Variants in PIP5K1A observed in about 807,000 individuals in gnomAD.
The protein encoded by PIP5K1A is phosphatidylinositol 4-phosphate 5-kinase type-1 alpha.
Under a neutral mutation model 72.9 loss-of-function variants are expected in PIP5K1A, and 46 were observed. The observed-to-expected ratio is 0.63, with a 90% CI of 0.50 to 0.81. PIP5K1A has a LOEUF of 0.81. PIP5K1A is among the 30% of genes least tolerant of loss of function. PIP5K1A has a pLI of 0.00. For missense variants in PIP5K1A, 458 were observed against 706.1 expected, an observed-to-expected ratio of 0.65 and a Z score of 3.98; for synonymous variants, 228 against 255.1, an observed-to-expected ratio of 0.89 and a Z score of 1.01.
intron 9 of PIP5K1A, among the ~76,000 whole-genome samples, chr1:151,237,151 G>C (rs1363375045): frequency 1.3e-5 from 2 of 152,082 alleles, no homozygotes; most frequent in Non-Finnish European, 2.9e-5. Flanking sequence ...TCTTTAGGAA[G>C]GGACCCAGCT....
At chr1:151,212,142 C>G (rs1031367410) in intron 1 of PIP5K1A, among the ~76,000 whole-genome samples, 1 of 151,796 alleles carries the variant, frequency 6.6e-6, no homozygotes, top group East Asian at 1.9e-4. Flanking sequence ...TTTACATTAT[C>G]TCTTCAAGTT....
chr1:151,198,873 G>A lies in PIP5K1A; in HGVS notation c.-124G>A. The A allele has an allele frequency of 2.2e-6, 2 of 907,878 alleles. No homozygotes were observed. Among genetic ancestry groups the A allele is most frequent in the Non-Finnish European group, 3.5e-6 (2 of 570,664 alleles). The allele number at this position is 907,878 out of a possible 1,614,324, so 56.2% of individuals were successfully genotyped here. On this transcript the variant is annotated 5_prime_UTR_variant, in exon 1 of 16. Transcript: ENST00000368888. ...GACGTGTCTGAGGGAGGCCCCGGAGGGGGCGGGGAGGTGGCCCACAGAACG... is the reference window on the plus strand; with the variant it reads ...GACGTGTCTGAGGGAGGCCCCGGAGAGGGCGGGGAGGTGGCCCACAGAACG...
At chr1:151,229,685 C>A (rs1689747122) in intron 4 of PIP5K1A, among the ~76,000 whole-genome samples, 1 of 148,090 alleles carries the variant, frequency 6.8e-6, no homozygotes, top group African/African-American at 2.5e-5. Flanking sequence ...ATATGTTGAA[C>A]ATTAAGATAA....
At chr1:151,212,107 G>A (rs1329477925) in intron 1 of PIP5K1A, among the ~76,000 whole-genome samples, 1 of 150,358 alleles carries the variant, frequency 6.7e-6, no homozygotes. Context: ...GTGAGACTCC[G>A]TCTCAAAAAA....
chr1:151,234,594 C>T (rs991787285), intron 8 of PIP5K1A, 98 bp downstream of exon 8: 8 of 890,052 alleles, frequency 9.0e-6, no homozygotes, highest in African/African-American at 3.3e-5. Flanking sequence ...TGTTCCTTAG[C>T]ACTGTATGTC....
In PIP5K1A at chr1:151,222,834, C is replaced by T. The variant is rs587650012; in HGVS notation, c.86-1411C>T. On this transcript the variant is annotated intron_variant, in intron 1 of 15. Transcript: ENST00000368888. Reference sequence around the variant, plus strand: ...GGCAGCTGAGGGTTTTGACAGGAACCGTGTTCTTTGAGATGGTAATTTGAA... The same window carrying T: ...GGCAGCTGAGGGTTTTGACAGGAACTGTGTTCTTTGAGATGGTAATTTGAA... Among the ~76,000 whole-genome samples the T allele has an allele frequency of 9.9e-5, 15 of 152,216 alleles. No individual in the cohort carries two copies. The East Asian group carries it at 1.7e-3, about 18-fold the overall frequency.
intron 1 of PIP5K1A, among the ~76,000 whole-genome samples, chr1:151,217,233 C>A (rs1172577097): frequency 6.6e-6 from 1 of 152,030 alleles, no homozygotes; most frequent in Non-Finnish European, 1.5e-5. Context: ...ATCTAGTATT[C>A]AAACCTAGCA....
At chr1:151,216,868 C>G (rs1687706266) in intron 1 of PIP5K1A, among the ~76,000 whole-genome samples, 1 of 150,898 alleles carries the variant, frequency 6.6e-6, no homozygotes, top group South Asian at 2.1e-4. Context: ...GAAATTTTAA[C>G]CAACCTACCC....
At chr1:151,195,788 A>G (rs182775584), upstream of PIP5K1A, among the ~76,000 whole-genome samples, 35 of 149,914 alleles carry the variant, frequency 2.3e-4, no homozygotes, top group East Asian at 5.8e-3. Flanking sequence ...GCTCACAGGG[A>G]GAAGATTCCT....
At chr1:151,229,192 AAC>A (rs1553298075) in intron 4 of PIP5K1A, among the ~76,000 whole-genome samples, 19 of 149,344 alleles carry the variant, frequency 1.3e-4, no homozygotes, top group Non-Finnish European at 2.4e-4. Flanking sequence ...AAAAAAAAAA[AAC>A]AGGAAAGAAA....
chr1:151,248,337 C>CTGT lies in PIP5K1A; in HGVS notation c.*473_*475dup, dbSNP rs1156544790. 6.4e-6 allele frequency: 1 copy of CTGT among 156,742 alleles called. No individual in the cohort carries two copies. Among genetic ancestry groups the CTGT allele is most frequent in the African/African-American group, 2.4e-5 (1 of 41,556 alleles). The allele number at this position is 156,742 out of a possible 1,614,324, so 9.7% of individuals were successfully genotyped here. A position where few individuals can be genotyped will look rare whatever the true frequency, so the allele number is the denominator to read the frequency against. ...TCCTGGAAGAATACTCCTGTAATCT[C>CTGT]TGTAAAGGTTTTTGGGGGATAAGGG... On this transcript the variant is annotated 3_prime_UTR_variant, in exon 16 of 16. Coordinates refer to ENST00000368888, the MANE Select transcript of PIP5K1A (RefSeq NM_001135638.2).
chr1:151,238,830 C>T (rs908190822), intron 10 of PIP5K1A, among the ~76,000 whole-genome samples: 11 of 152,148 alleles, frequency 7.2e-5, no homozygotes, highest in Admixed American at 6.5e-5. Flanking sequence ...CCAGTCTTGC[C>T]CATCTGTTCC....
chr1:151,238,990 C>T, intron 10 of PIP5K1A, 140 bp from the exon 11 acceptor site: 1 of 615,956 alleles, frequency 1.6e-6, no homozygotes, highest in Non-Finnish European at 2.9e-6. Context: ...CTTGGGAAAA[C>T]CAGTGTACCA....
intron 12 of PIP5K1A, among the ~76,000 whole-genome samples, chr1:151,241,612 C>T (rs1005380439): frequency 6.6e-6 from 1 of 151,982 alleles, no homozygotes; most frequent in Non-Finnish European, 1.5e-5. Flanking sequence ...ACCAGCCTGA[C>T]CAACATGGTG....
In PIP5K1A at chr1:151,242,106, C is replaced by G. The variant is rs201919211; in HGVS notation, c.1364-17C>G. On this transcript the variant is annotated splice_polypyrimidine_tract_variant and intron_variant, in intron 12 of 15. Transcript: ENST00000368888. ...CTAAGGTAGTTGCTAAGTAGGCTCT[C>G]TCTTTCCCTTTTGAAGTGAAGCCTT... 13 of 1,613,990 alleles carry G rather than the reference C, an allele frequency of 8.1e-6. No homozygotes were observed. The African/African-American group carries it at 1.6e-4, about 20-fold the overall frequency.
At position 151,199,023 on chromosome 1, in the gene PIP5K1A, G is replaced by A; in HGVS notation, c.27G>A (p.Ser9=). The A allele has an allele frequency of 6.2e-7, 1 of 1,614,184 alleles. No individual in the cohort carries two copies. The highest frequency in any genetic ancestry group is 8.5e-7 in the Non-Finnish European group (1 of 1,180,036). Residue 9 remains serine (S), a synonymous_variant, in exon 1 of 16, where the codon TCG becomes TCA. Transcript: ENST00000368888. The part of the protein sequence containing the change: MASASSGP[S]SSVGFSSFDP... ...TGGCGTCGGCCTCCTCCGGGCCGTC[G>A]TCTTCGGTCGGTTTTTCATCCTTTG...
chr1:151,219,851 CTTTTTTT>C (rs71237867), intron 1 of PIP5K1A, among the ~76,000 whole-genome samples: 1 of 98,702 alleles, frequency 1.0e-5, no homozygotes, highest in African/African-American at 4.1e-5. Flanking sequence ...ATATTCTTTC[CTTTTTTT>C]TTTTTTTTTT....
rs1438226810 is a variant in PIP5K1A, at chr1:151,225,783, C to CT, written c.156+1388dup. On this transcript the variant is annotated intron_variant, in intron 3 of 15. Coordinates refer to ENST00000368888, the MANE Select transcript of PIP5K1A (RefSeq NM_001135638.2). ...CTGCGCCTGGCCTCTTTTCTTTTTTCTTTTTTTTTTTGAGACAGAGTCACG... is the reference window on the plus strand; with the variant it reads ...CTGCGCCTGGCCTCTTTTCTTTTTTCTTTTTTTTTTTTGAGACAGAGTCACG... Among the ~76,000 whole-genome samples, 807 of 143,312 alleles carry CT rather than the reference C, an allele frequency of 5.6e-3. 8 individuals carry two copies. Among genetic ancestry groups the CT allele is most frequent in the African/African-American group, 0.017 (687 of 39,262 alleles). The allele number at this position is 143,312 out of a possible 152,430, so 94.0% of individuals were successfully genotyped here.
At chr1:151,205,757 T>C (rs1685837854) in intron 1 of PIP5K1A, among the ~76,000 whole-genome samples, 1 of 152,020 alleles carries the variant, frequency 6.6e-6, no homozygotes, top group South Asian at 2.1e-4. Context: ...TAGAGTGCAC[T>C]ACTGCACTCC....
Sources: allele counts gnomAD v4.1 joint callset (sites outside exome capture counted in the v4.1 genomes callset), GRCh38; gene constraint gnomAD v4.1.1; transcripts MANE v1.5; gene names NCBI Gene and HGNC (gene_info 2026-07-23, HGNC 2026-07-21).